Variants in DDX59 observed in about 807,000 individuals in gnomAD.
DDX59 encodes probable ATP-dependent RNA helicase DDX59.
Under a neutral mutation model 51.9 loss-of-function variants are expected in DDX59, and 30 were observed. The observed-to-expected ratio is 0.58, with a 90% CI of 0.43 to 0.78. The LOEUF (loss-of-function observed/expected upper bound fraction) is 0.78, where lower values mean the gene tolerates loss of function less well. Among genes scored for constraint, DDX59 ranks in the 30% least tolerant of loss-of-function variants. The probability of loss-of-function intolerance (pLI) is 0.00; values close to 1 mark genes in which losing one functional copy is unlikely to be tolerated. For synonymous variants in DDX59, 255 were observed against 253.3 expected (o/e 1.01, Z -0.06); for missense variants, 672 against 730.8 (o/e 0.92, Z 0.93).
chr1:200,666,405 A>G lies in DDX59; in HGVS notation c.336T>C (p.Gly112=). The stretch of plus-strand genomic sequence containing the variant: ...TATCACAGATATACTCTCCATAACG[A>G]CCACAGACAACACAGATGGGTTCCC... ...EPGEPICVVC[G]RYGEYICDKT... The change falls in exon 2 of 8, where the codon GGT becomes GGC. Residue 112 remains glycine, a synonymous_variant. Coordinates refer to ENST00000331314, the MANE Select transcript of DDX59 (RefSeq NM_001031725.6). The G allele has an allele frequency of 6.2e-7, 1 of 1,614,152 alleles. No individual in the cohort carries two copies. The highest frequency in any genetic ancestry group is 1.1e-5 in the South Asian group (1 of 91,076).
chr1:200,668,986 T>C (rs1042097401), intron 1 of DDX59, among the ~76,000 whole-genome samples: 4 of 152,200 alleles, frequency 2.6e-5, no homozygotes, highest in African/African-American at 9.7e-5. Context: ...CTTCCTAAAA[T>C]AGATAAAACC....
intron 1 of DDX59, among the ~76,000 whole-genome samples, chr1:200,667,979 T>G (rs946205619): frequency 6.6e-6 from 1 of 151,946 alleles, no homozygotes; most frequent in African/African-American, 2.4e-5. Context: ...TTATATACAC[T>G]CAGAAGAAAC....
At position 200,665,933 on chromosome 1, in the gene DDX59, T is replaced by C; in HGVS notation, c.804+4A>G. ...TACATGTGAACTCTATTATTAACAC[T>C]TACCTCGAATAAAGCTCGCATGATA... On this transcript the variant is annotated splice_donor_region_variant and intron_variant, in intron 2 of 7. Coordinates refer to ENST00000331314, the MANE Select transcript of DDX59 (RefSeq NM_001031725.6). 6.3e-7 allele frequency: 1 copy of C among 1,595,724 alleles called. No individual in the cohort carries two copies. The highest frequency in any genetic ancestry group is 8.5e-7 in the Non-Finnish European group (1 of 1,171,472).
intron 1 of DDX59, among the ~76,000 whole-genome samples, chr1:200,668,464 G>A (rs1336410325): frequency 2.6e-5 from 4 of 152,078 alleles, no homozygotes; most frequent in African/African-American, 9.7e-5. Context: ...TTTCTAAGGG[G>A]TCTGGAGAGT....
intron 7 of DDX59, among the ~76,000 whole-genome samples, chr1:200,648,093 G>A (rs572119500): frequency 3.4e-5 from 5 of 148,010 alleles, no homozygotes; most frequent in South Asian, 2.4e-4. Context: ...GCGTGATCTC[G>A]GCTCACTGCA....
Position 200,649,015 on chromosome 1 carries a change from T to C in DDX59, c.1467+59A>G, listed in dbSNP as rs571322961. On this transcript the variant is annotated intron_variant, in intron 6 of 7. Transcript: ENST00000331314. ...AAACCAGCTGTAATATGGTTATCTC[T>C]TGAAAATGAGGCAGAACAGATTTAT... 4.7e-5 allele frequency: 68 copies of C among 1,457,266 alleles called. 1 individual carries two copies. In the South Asian group the frequency reaches 1.0e-3, roughly 22 times the overall value. 90.3% of individuals were successfully genotyped at this position (1,457,266 alleles called of 1,614,324 possible). A position where few individuals can be genotyped will look rare whatever the true frequency, so the allele number is the denominator to read the frequency against.
chr1:200,644,166 T>A lies in DDX59; in HGVS notation c.*88A>T, dbSNP rs943345413. 7 of 1,052,266 alleles carry A rather than the reference T, an allele frequency of 6.7e-6. No individual in the cohort carries two copies. Among genetic ancestry groups the A allele is most frequent in the African/African-American group, 3.3e-5 (2 of 60,392 alleles). The allele number at this position is 1,052,266 out of a possible 1,614,324, so 65.2% of individuals were successfully genotyped here. ...TAAATTAAAAATATCTTAAAATTTT[T>A]AAAATTCATGTACATTTCCATTTAT... On this transcript the variant is annotated 3_prime_UTR_variant, in exon 8 of 8. Transcript: ENST00000331314.
intron 4 of DDX59, among the ~76,000 whole-genome samples, chr1:200,655,770 T>C (rs1433244126): frequency 6.6e-6 from 1 of 152,112 alleles, no homozygotes; most frequent in Non-Finnish European, 1.5e-5. Context: ...GCTAATATAT[T>C]TACTCTCTCA....
intron 4 of DDX59, among the ~76,000 whole-genome samples, 191 bp from the exon 5 acceptor site, chr1:200,650,867 A>G (rs752985349): frequency 1.3e-5 from 2 of 152,234 alleles, no homozygotes; most frequent in African/African-American, 4.8e-5. Context: ...GTTTACAATG[A>G]TATACAAAGA....
intron 3 of DDX59, among the ~76,000 whole-genome samples, chr1:200,661,425 A>T (rs1489126507): frequency 6.6e-6 from 1 of 152,264 alleles, no homozygotes; most frequent in Non-Finnish European, 1.5e-5. Context: ...ATTACTTTAC[A>T]GATCCTATCA....
intron 7 of DDX59, among the ~76,000 whole-genome samples, chr1:200,646,465 A>G (rs896068534): frequency 2.6e-5 from 4 of 152,218 alleles, no homozygotes; most frequent in Non-Finnish European, 5.9e-5. Flanking sequence ...TTGAATAGAC[A>G]TTTCTCCAAA....
At chr1:200,643,756 AAAC>A (rs1177114648), downstream of DDX59, among the ~76,000 whole-genome samples, 1 of 152,184 alleles carries the variant, frequency 6.6e-6, no homozygotes, top group Non-Finnish European at 1.5e-5. Context: ...CTTATTTTTA[AAAC>A]AGCATTAACC....
chr1:200,652,724 A>G (rs986237483), intron 4 of DDX59, among the ~76,000 whole-genome samples: 3 of 141,174 alleles, frequency 2.1e-5, no homozygotes, highest in Non-Finnish European at 4.5e-5. Context: ...GCTGGAGTGC[A>G]GGGGTGCAAT....
At chr1:200,657,031 CTTGAGGCCAG>C (rs1169798021) in intron 4 of DDX59, among the ~76,000 whole-genome samples, 2 of 152,128 alleles carry the variant, frequency 1.3e-5, no homozygotes, top group African/African-American at 4.8e-5. Flanking sequence ...GAGCAGATCA[CTTGAGGCCAG>C]GAATTTGAGA....
chr1:200,665,875 C>T (rs1027812661), intron 2 of DDX59, 62 bp downstream of exon 2: 5 of 1,488,078 alleles, frequency 3.4e-6, no homozygotes, highest in Non-Finnish European at 4.5e-6. Flanking sequence ...AAAAATGAAA[C>T]TTGGTAAATA....
At chr1:200,653,334 A>C (rs1661790122) in intron 4 of DDX59, among the ~76,000 whole-genome samples, 1 of 152,174 alleles carries the variant, frequency 6.6e-6, no homozygotes, top group Non-Finnish European at 1.5e-5. Flanking sequence ...CTGTCCCAGA[A>C]CACATCTCAG....
At position 200,650,584 on chromosome 1, in the gene DDX59, G is replaced by C; in HGVS notation, c.1155C>G (p.Ala385=). The C allele has an allele frequency of 6.2e-7, 1 of 1,613,898 alleles. No individual in the cohort carries two copies. The highest frequency in any genetic ancestry group is 8.5e-7 in the Non-Finnish European group (1 of 1,179,930). ...GCTGTTCTATGCTAGTTGGAATTGT[G>C]GCTGAAACCAAAATGGTCTGACAAT... ...PNDCQTILVS[A]TIPTSIEQLA... is the part of the protein sequence containing the mutation. Residue 385 remains alanine (A), a synonymous_variant, in exon 5 of 8, where the codon GCC becomes GCG. Coordinates refer to ENST00000331314, the MANE Select transcript of DDX59 (RefSeq NM_001031725.6).
chr1:200,650,896 T>C (rs1322960528), intron 4 of DDX59, among the ~76,000 whole-genome samples: 1 of 152,234 alleles, frequency 6.6e-6, no homozygotes. Context: ...ATTGGCATTA[T>C]TAATAGTAGC....
intron 3 of DDX59, among the ~76,000 whole-genome samples, chr1:200,659,484 A>G (rs1662243443): frequency 1.3e-5 from 2 of 152,046 alleles, no homozygotes; most frequent in African/African-American, 4.8e-5. Context: ...CTAAATGGTA[A>G]GGAATGGGGA....
Sources: allele counts gnomAD v4.1 joint callset (sites outside exome capture counted in the v4.1 genomes callset), GRCh38; gene constraint gnomAD v4.1.1; transcripts MANE v1.5; gene names NCBI Gene and HGNC (gene_info 2026-07-23, HGNC 2026-07-21).